The following RBM25 variants were observed in gnomAD, a reference collection of about 807,000 sequenced individuals.
The protein encoded by RBM25 is RNA-binding protein 25.
A neutral mutation model predicts 120.7 loss-of-function variants in RBM25; 19 were observed. That is an observed-to-expected ratio of 0.16 (90% CI 0.11 to 0.23). RBM25 has a LOEUF of 0.23. RBM25 is among the 10% of genes least tolerant of loss of function. The pLI is 1.00. For synonymous variants in RBM25, 390 were observed against 326.7 expected (o/e 1.19, Z -2.09); for missense variants, 605 against 1,041.5 (o/e 0.58, Z 5.77).
At position 73,064,819 on chromosome 14, in the gene RBM25, T is replaced by A. The variant is rs923726995; in HGVS notation, c.-16+6114T>A. 1.3e-5 allele frequency among the ~76,000 whole-genome samples: 2 copies of A among 151,376 alleles called. 1 individual carries two copies. Among genetic ancestry groups the A allele is most frequent in the Admixed American group, 1.3e-4 (2 of 15,150 alleles). On this transcript the variant is annotated intron_variant, in intron 1 of 18. Transcript: ENST00000261973. ...GCTCCAAATAAAGGGGAATATGTTA[T>A]GGAAAAATTTGAAGTGAATGGAATG...
Position 73,111,764 on chromosome 14 carries a change from C to G in RBM25, c.2254C>G (p.Leu752Val). The stretch of plus-strand genomic sequence containing the variant: ...GAAAATCCCTACAGCCAAACCTGAG[C>G]TCTTCGCTTATCCCCTGGATTGGTC... ...IEKIPTAKPE[L>V]FAYPLDWSIV... Residue 752 changes from leucine (L) to valine (V), a missense_variant, in exon 16 of 19, where the codon CTC (leucine) becomes GTC (valine). Coordinates refer to ENST00000261973, the MANE Select transcript of RBM25 (RefSeq NM_021239.3). 6.2e-7 allele frequency: 1 copy of G among 1,612,078 alleles called. No homozygotes were observed. The highest frequency in any genetic ancestry group is 1.1e-5 in the South Asian group (1 of 90,674).
At chr14:73,083,659 A>C (rs1895616268) in intron 5 of RBM25, 108 bp downstream of exon 5, 2 of 696,330 alleles carry the variant, frequency 2.9e-6, no homozygotes, top group African/African-American at 3.8e-5. Context: ...GACTTATTTT[A>C]TTAGCACTCT....
At chr14:73,071,447 T>G (rs76714738) in intron 1 of RBM25, among the ~76,000 whole-genome samples, 180 bp from the exon 2 acceptor site, 2,283 of 152,242 alleles carry the variant, frequency 0.015, 58 homozygotes, top group African/African-American at 0.051. Context: ...TTTTGGAAAC[T>G]TATTTTAGAA....
chr14:73,086,733 CT>C (rs1336386209), intron 5 of RBM25, among the ~76,000 whole-genome samples: 1 of 152,078 alleles, frequency 6.6e-6, no homozygotes, highest in East Asian at 1.9e-4. Context: ...GAGACAGGGT[CT>C]CTGTCTGTTG....
chr14:73,063,436 A>G (rs1343443967), intron 1 of RBM25, among the ~76,000 whole-genome samples: 1 of 151,372 alleles, frequency 6.6e-6, no homozygotes, highest in Non-Finnish European at 1.5e-5. Flanking sequence ...GGCTTGAGCC[A>G]CCGCGCCCGG....
chr14:73,084,715 G>A (rs1329959991), intron 5 of RBM25, among the ~76,000 whole-genome samples: 1 of 151,760 alleles, frequency 6.6e-6, no homozygotes, highest in Non-Finnish European at 1.5e-5. Context: ...ACCATGCCCG[G>A]CTAATTTTTT....
At chr14:73,087,977 C>G in intron 5 of RBM25, 24 bp from the exon 6 acceptor site, 1 of 1,595,664 alleles carries the variant, frequency 6.3e-7, no homozygotes, top group Non-Finnish European at 8.5e-7. Flanking sequence ...TGGTATTTCA[C>G]TAATTGTTTT....
chr14:73,107,999 AAAAC>A (rs1321328255), intron 13 of RBM25, 100 bp downstream of exon 13: 4 of 795,072 alleles, frequency 5.0e-6, no homozygotes, highest in African/African-American at 3.5e-5. Context: ...TGGAATAAGA[AAAAC>A]AAACTTTCAC....
chr14:73,117,193 A>G (rs1293479598), intron 18 of RBM25, among the ~76,000 whole-genome samples: 1 of 93,026 alleles, frequency 1.1e-5, no homozygotes, highest in Non-Finnish European at 2.3e-5. Flanking sequence ...TCTTTCTTTT[A>G]ATTTCTTTCT....
At chr14:73,067,066 A>AG (rs1566580775) in intron 1 of RBM25, among the ~76,000 whole-genome samples, 1,926 of 130,976 alleles carry the variant, frequency 0.015, 43 homozygotes, top group African/African-American at 0.044. Context: ...GGATACATAT[A>AG]ATTTTTTTTT....
In RBM25 at chr14:73,117,210, CTTT is replaced by C. The variant is rs71112704; in HGVS notation, c.2440-2471_2440-2469del. Among the ~76,000 whole-genome samples the C allele has an allele frequency of 6.5e-3, 320 of 49,426 alleles. 11 individuals are homozygous for C. Among genetic ancestry groups the C allele is most frequent in the African/African-American group, 0.023 (303 of 13,240 alleles). 32.4% of individuals were successfully genotyped at this position (49,426 alleles called of 152,430 possible). A position where few individuals can be genotyped will look rare whatever the true frequency, so the allele number is the denominator to read the frequency against. On this transcript the variant is annotated intron_variant, in intron 18 of 18. Transcript: ENST00000261973. The stretch of plus-strand genomic sequence containing the variant: ...TTTCTTTTAATTTCTTTCTTCTTTT[CTTT>C]TTTTTTTTTTTTTTTTTTTTTTTTT...
chr14:73,094,800 A>G (rs1895899733), intron 6 of RBM25, among the ~76,000 whole-genome samples: 1 of 143,200 alleles, frequency 7.0e-6, no homozygotes. Flanking sequence ...TGCTGGGATT[A>G]CAGGAGCGAG....
chr14:73,088,362 T>A, intron 6 of RBM25: 1 of 728,264 alleles, frequency 1.4e-6, no homozygotes, highest in Non-Finnish European at 2.4e-6. Context: ...TTGGTTTGCT[T>A]GTTCCAGGTT....
intron 1 of RBM25, among the ~76,000 whole-genome samples, chr14:73,064,027 T>C (rs955225113): frequency 2.0e-5 from 3 of 151,380 alleles, no homozygotes; most frequent in African/African-American, 7.3e-5. Context: ...TGGAAGTCTC[T>C]TTCCCCCAGA....
At chr14:73,106,325 AAGTC>A in intron 12 of RBM25, 40 bp downstream of exon 12, 2 of 1,501,568 alleles carry the variant, frequency 1.3e-6, no homozygotes, top group Non-Finnish European at 1.8e-6. Context: ...TTCAGGTAAA[AAGTC>A]AGATTGTATC....
intron 16 of RBM25, 84 bp downstream of exon 16, chr14:73,111,886 A>T: frequency 7.1e-7 from 1 of 1,412,976 alleles, no homozygotes; most frequent in Non-Finnish European, 9.5e-7. Flanking sequence ...AAAAAACCTC[A>T]TTTGATTCTA....
At chr14:73,119,084 A>G (rs1232080014) in intron 18 of RBM25, among the ~76,000 whole-genome samples, 1 of 151,984 alleles carries the variant, frequency 6.6e-6, no homozygotes, top group East Asian at 1.9e-4. Context: ...ACTATTTATT[A>G]ATAATACATT....
intron 18 of RBM25, among the ~76,000 whole-genome samples, chr14:73,116,180 A>C (rs1003238103): frequency 6.6e-6 from 1 of 151,970 alleles, no homozygotes; most frequent in Non-Finnish European, 1.5e-5. Context: ...GCTCTAGGAG[A>C]TAGAGGAGGG....
At chr14:73,113,507 A>G (rs570956973) in intron 17 of RBM25, among the ~76,000 whole-genome samples, 6 of 151,962 alleles carry the variant, frequency 3.9e-5, no homozygotes, top group Admixed American at 6.5e-5. Context: ...CCCGGCCAAT[A>G]TGGTAAAACC....
Sources: allele counts gnomAD v4.1 joint callset (sites outside exome capture counted in the v4.1 genomes callset), GRCh38; gene constraint gnomAD v4.1.1; transcripts MANE v1.5; gene names NCBI Gene and HGNC (gene_info 2026-07-23, HGNC 2026-07-21).